TMEFF2: variants seen among roughly 807,000 people sequenced by gnomAD.
The protein encoded by TMEFF2 is tomoregulin-2.
TMEFF2 carries 28 observed loss-of-function variants against 53.8 expected under a neutral mutation model. The ratio of observed to expected loss-of-function variants is 0.52; its 90% CI spans 0.39 to 0.71. The LOEUF (loss-of-function observed/expected upper bound fraction) is 0.71, where lower values mean the gene tolerates loss of function less well. Among genes scored for constraint, TMEFF2 ranks in the 30% least tolerant of loss-of-function variants. TMEFF2 has a pLI of 0.00. For missense variants in TMEFF2, 353 were observed against 455.2 expected (o/e 0.78, Z 2.04); for synonymous variants, 162 against 166.3 (o/e 0.97, Z 0.20).
chr2:192,087,406 G>T (rs556698400), intron 4 of TMEFF2, among the ~76,000 whole-genome samples: 1 of 152,100 alleles, frequency 6.6e-6, no homozygotes, highest in Non-Finnish European at 1.5e-5. Context: ...GTCCTGAAGT[G>T]TGTGGGTTTC....
In TMEFF2 at chr2:192,074,840, C is replaced by T. The variant is rs905866249; in HGVS notation, c.440-17065G>A. Reference sequence around the variant, plus strand: ...TCAGGGCTTTTTAGAGCCTTTCAGACTTCCAAATTTTATAAAATAAGAGAT... The same window carrying T: ...TCAGGGCTTTTTAGAGCCTTTCAGATTTCCAAATTTTATAAAATAAGAGAT... On this transcript the variant is annotated intron_variant, in intron 4 of 9. Coordinates refer to ENST00000272771, the MANE Select transcript of TMEFF2 (RefSeq NM_016192.4). Among the ~76,000 whole-genome samples the T allele has an allele frequency of 2.0e-5, 3 of 151,854 alleles. No individual in the cohort carries two copies. In the South Asian group the frequency reaches 6.2e-4, roughly 31 times the overall value.
At chr2:191,976,155 G>C (rs1685720941) in intron 7 of TMEFF2, among the ~76,000 whole-genome samples, 1 of 152,104 alleles carries the variant, frequency 6.6e-6, no homozygotes, top group South Asian at 2.1e-4. Flanking sequence ...GTGTCAAATT[G>C]AGTTTAAAAG....
At chr2:192,134,424 C>T (rs1689946172) in intron 4 of TMEFF2, among the ~76,000 whole-genome samples, 1 of 152,204 alleles carries the variant, frequency 6.6e-6, no homozygotes, top group Non-Finnish European at 1.5e-5. Flanking sequence ...GCCTAATCGC[C>T]ACACACCAGC....
intron 7 of TMEFF2, among the ~76,000 whole-genome samples, chr2:191,979,162 T>C (rs1188049093): frequency 2.0e-5 from 3 of 152,266 alleles, no homozygotes; most frequent in African/African-American, 7.2e-5. Flanking sequence ...AGGAAAGAGG[T>C]AAAAATTAAA....
At chr2:192,187,422 T>C (rs6710134) in intron 2 of TMEFF2, among the ~76,000 whole-genome samples, 135,051 of 152,180 alleles carry the variant, frequency 0.89, 60,035 homozygotes, top group East Asian at 1. Flanking sequence ...CAAGCCATGG[T>C]GTTTCTAGAA....
In TMEFF2 at chr2:192,194,864, G is replaced by C; in HGVS notation, c.-340C>G. On this transcript the variant is annotated 5_prime_UTR_variant, in exon 1 of 10. Transcript: ENST00000272771. This position sits in a 1 kb window ranked among gnomAD's most constrained non-coding sequence, Gnocchi z 4.2. ...AGACGAGTGGAGCCCGAGGAGGCAGGGTGGAGGGAGAGTCAAGGCGCCCCG... is the reference window on the plus strand; with the variant it reads ...AGACGAGTGGAGCCCGAGGAGGCAGCGTGGAGGGAGAGTCAAGGCGCCCCG... The C allele has an allele frequency of 7.1e-6, 2 of 281,306 alleles. No homozygotes were observed. Among genetic ancestry groups the C allele is most frequent in the Admixed American group, 5.0e-5 (1 of 19,922 alleles). 17.4% of individuals were successfully genotyped at this position (281,306 alleles called of 1,614,324 possible).
intron 4 of TMEFF2, among the ~76,000 whole-genome samples, chr2:192,157,329 T>C (rs1690528836): frequency 6.6e-6 from 1 of 152,058 alleles, no homozygotes; most frequent in Non-Finnish European, 1.5e-5. Context: ...TTTTTTACTC[T>C]GAATCTTAGT....
intron 1 of TMEFF2, among the ~76,000 whole-genome samples, chr2:192,193,739 GAGAGAGAGAGAGATAGATAGAT>G (rs1407735538): frequency 2.6e-4 from 9 of 35,294 alleles, no homozygotes; most frequent in African/African-American, 4.5e-4. Flanking sequence ...AAGGGAATGA[GAGAGAGAGAGAGATAGATAGAT>G]AGAGAGAGAG....
At chr2:192,094,592 G>A (rs1468250694) in intron 4 of TMEFF2, among the ~76,000 whole-genome samples, 2 of 151,886 alleles carry the variant, frequency 1.3e-5, no homozygotes, top group African/African-American at 4.8e-5. Flanking sequence ...GATGCCCTCG[G>A]AGAGAAAAAA....
At chr2:192,130,921 G>A (rs1689808769) in intron 4 of TMEFF2, among the ~76,000 whole-genome samples, 1 of 151,790 alleles carries the variant, frequency 6.6e-6, no homozygotes. Flanking sequence ...GGACTGGGAA[G>A]GCAGCCTTCC....
intron 5 of TMEFF2, among the ~76,000 whole-genome samples, chr2:192,048,360 A>AG: frequency 9.2e-6 from 1 of 108,984 alleles, no homozygotes; most frequent in Admixed American, 1.1e-4. Flanking sequence ...GATTCTCATA[A>AG]AACACACACA....
intron 4 of TMEFF2, among the ~76,000 whole-genome samples, chr2:192,120,208 C>G (rs1451475734): frequency 6.6e-6 from 1 of 152,118 alleles, no homozygotes; most frequent in Non-Finnish European, 1.5e-5. Flanking sequence ...CTACCCAGAC[C>G]ACTACAACCC....
At chr2:192,108,947 A>G (rs1689213712) in intron 4 of TMEFF2, among the ~76,000 whole-genome samples, 1 of 152,068 alleles carries the variant, frequency 6.6e-6, no homozygotes, top group Admixed American at 6.6e-5. Flanking sequence ...AAAAAGACAT[A>G]TAGTTCACGA....
chr2:192,117,153 G>A (rs1022567723), intron 4 of TMEFF2, among the ~76,000 whole-genome samples: 2 of 152,080 alleles, frequency 1.3e-5, no homozygotes, highest in Non-Finnish European at 1.5e-5. Flanking sequence ...GTAATCAGAT[G>A]TAGTAAAAAG....
intron 4 of TMEFF2, among the ~76,000 whole-genome samples, chr2:192,155,707 A>C (rs577929365): frequency 3.5e-4 from 54 of 152,204 alleles, no homozygotes; most frequent in Admixed American, 1.3e-3. Flanking sequence ...TAGCAACTGC[A>C]ACAGCTGGAT....
At chr2:192,102,085 A>G (rs921781726) in intron 4 of TMEFF2, among the ~76,000 whole-genome samples, 2 of 152,222 alleles carry the variant, frequency 1.3e-5, no homozygotes, top group Non-Finnish European at 2.9e-5. Flanking sequence ...ACAAAATTAG[A>G]AGGAATTAGA....
intron 5 of TMEFF2, among the ~76,000 whole-genome samples, chr2:192,016,001 G>A (rs1349588423): frequency 6.6e-6 from 1 of 152,176 alleles, no homozygotes; most frequent in East Asian, 1.9e-4. Flanking sequence ...CATAAGGTCT[G>A]TACAGAGATG....
At chr2:192,080,744 C>T (rs920582484) in intron 4 of TMEFF2, among the ~76,000 whole-genome samples, 21 of 152,228 alleles carry the variant, frequency 1.4e-4, no homozygotes, top group Admixed American at 1.1e-3. Context: ...CTTTTCCAAA[C>T]CCCATACATG....
At chr2:192,077,497 T>G (rs1688459801) in intron 4 of TMEFF2, among the ~76,000 whole-genome samples, 1 of 152,120 alleles carries the variant, frequency 6.6e-6, no homozygotes, top group Non-Finnish European at 1.5e-5. Context: ...TTTTTCTTCC[T>G]CAAACTTTTA....
Sources: allele counts gnomAD v4.1 joint callset (sites outside exome capture counted in the v4.1 genomes callset), GRCh38; gene constraint gnomAD v4.1.1; non-coding constraint Gnocchi (gnomAD v3.1); transcripts MANE v1.5; gene names NCBI Gene and HGNC (gene_info 2026-07-23, HGNC 2026-07-21).